Variants in SSBP2 observed in about 807,000 individuals in gnomAD.
The protein encoded by SSBP2 is single stranded DNA binding protein 2.
SSBP2 carries 17 observed loss-of-function variants against 61.8 expected under a neutral mutation model. That is an observed-to-expected ratio of 0.28 (90% CI 0.19 to 0.41). SSBP2 has a LOEUF of 0.41. Ranked by LOEUF, SSBP2 falls within the 10% of genes least tolerant of loss-of-function variation. The pLI, the probability that SSBP2 is intolerant of heterozygous loss-of-function variation, is 1.00. For synonymous variants in SSBP2, 139 were observed against 141.3 expected (o/e 0.98, Z 0.12); for missense variants, 310 against 458.7 (o/e 0.68, Z 2.96).
chr5:81,545,377 C>T (rs73766262), intron 4 of SSBP2, among the ~76,000 whole-genome samples: 2,767 of 152,214 alleles, frequency 0.018, 85 homozygotes, highest in African/African-American at 0.063. Flanking sequence ...TTTACAACCA[C>T]TTTCCTACCT....
intron 1 of SSBP2, among the ~76,000 whole-genome samples, chr5:81,695,443 G>A (rs942134080): frequency 2.6e-5 from 4 of 151,844 alleles, no homozygotes; most frequent in African/African-American, 9.7e-5. Context: ...TTGGTGTGCT[G>A]CACCCATTAA....
At chr5:81,477,172 A>G (rs1373041467) in intron 6 of SSBP2, among the ~76,000 whole-genome samples, 1 of 152,164 alleles carries the variant, frequency 6.6e-6, no homozygotes, top group Non-Finnish European at 1.5e-5. Context: ...GGAGGACAGC[A>G]TTTAGGCATA....
intron 15 of SSBP2, among the ~76,000 whole-genome samples, chr5:81,432,591 C>T (rs1009167121): frequency 6.6e-6 from 1 of 151,982 alleles, no homozygotes; most frequent in African/African-American, 2.4e-5. Flanking sequence ...ACTAAAAATA[C>T]AAAAATTAGC....
At chr5:81,454,573 C>T (rs959946088) in intron 10 of SSBP2, among the ~76,000 whole-genome samples, 2 of 151,768 alleles carry the variant, frequency 1.3e-5, no homozygotes, top group African/African-American at 2.4e-5. Flanking sequence ...CCTAGCTACT[C>T]GGGAGCCTGA....
chr5:81,542,146 CAACA>C (rs1275749190), intron 4 of SSBP2, among the ~76,000 whole-genome samples: 1 of 152,028 alleles, frequency 6.6e-6, no homozygotes, highest in African/African-American at 2.4e-5. Flanking sequence ...TACAAGCGGC[CAACA>C]AACACATGAA....
chr5:81,545,768 A>T (rs547805146), intron 4 of SSBP2, among the ~76,000 whole-genome samples: 1 of 152,346 alleles, frequency 6.6e-6, no homozygotes, highest in Non-Finnish European at 1.5e-5. Context: ...AAACTGTGTT[A>T]ATAAACAGTC....
chr5:81,509,856 T>C (rs968910268), intron 5 of SSBP2, among the ~76,000 whole-genome samples: 1 of 152,196 alleles, frequency 6.6e-6, no homozygotes, highest in Non-Finnish European at 1.5e-5. Context: ...TTCTTCTCTT[T>C]CTCTTCTACC....
intron 1 of SSBP2, among the ~76,000 whole-genome samples, chr5:81,652,388 C>G (rs886813945): frequency 6.6e-6 from 1 of 151,472 alleles, no homozygotes; most frequent in African/African-American, 2.4e-5. Flanking sequence ...CACTTTCTCT[C>G]TCTATAAGTC....
chr5:81,485,281 T>C (rs1434224670), intron 6 of SSBP2, among the ~76,000 whole-genome samples: 6 of 152,212 alleles, frequency 3.9e-5, no homozygotes. Flanking sequence ...TGCACAGTTT[T>C]GTAATTTTAT....
chr5:81,655,405 T>A (rs1404335489), intron 1 of SSBP2, among the ~76,000 whole-genome samples: 1 of 152,122 alleles, frequency 6.6e-6, no homozygotes, highest in Non-Finnish European at 1.5e-5. Context: ...CTGCAAAAAG[T>A]AGAACCAGTC....
intron 6 of SSBP2, among the ~76,000 whole-genome samples, chr5:81,481,817 C>G (rs112615859): frequency 0.016 from 2,502 of 151,664 alleles, 44 homozygotes; most frequent in South Asian, 0.096. Context: ...ATAAAGGAAT[C>G]TTTTTCTCTG....
intron 1 of SSBP2, among the ~76,000 whole-genome samples, chr5:81,702,638 T>A (rs1393723898): frequency 1.3e-5 from 2 of 152,232 alleles, no homozygotes; most frequent in Non-Finnish European, 1.5e-5. Context: ...CATTTGAGTG[T>A]GAGCTCTCTG....
At chr5:81,678,060 C>A (rs73766300) in intron 1 of SSBP2, among the ~76,000 whole-genome samples, 2,748 of 152,222 alleles carry the variant, frequency 0.018, 100 homozygotes, top group African/African-American at 0.063. Flanking sequence ...AGAGACTGAA[C>A]AAGAACCAGA....
At chr5:81,599,521 G>A (rs1397944383) in intron 4 of SSBP2, among the ~76,000 whole-genome samples, 1 of 152,206 alleles carries the variant, frequency 6.6e-6, no homozygotes, top group African/African-American at 2.4e-5. Context: ...GCTGATCCTA[G>A]AGAGAAAGAG....
chr5:81,458,976 A>G (rs1384004913), intron 10 of SSBP2, among the ~76,000 whole-genome samples: 1 of 152,116 alleles, frequency 6.6e-6, no homozygotes, highest in Non-Finnish European at 1.5e-5. Context: ...CCCTATTCTC[A>G]TACTTTGAGT....
chr5:81,489,394 T>G, intron 5 of SSBP2, 85 bp from the exon 6 acceptor site: 1 of 1,150,664 alleles, frequency 8.7e-7, no homozygotes. Context: ...CTTAAAAAAT[T>G]TTAGAATTAA....
intron 15 of SSBP2, among the ~76,000 whole-genome samples, chr5:81,434,903 G>C (rs77417542): frequency 0.034 from 5,166 of 152,240 alleles, 188 homozygotes; most frequent in South Asian, 0.098. Flanking sequence ...GGAGTGGAAA[G>C]AGGCAGGGAG....
intron 4 of SSBP2, among the ~76,000 whole-genome samples, chr5:81,586,747 C>A (rs530260237): frequency 6.6e-6 from 1 of 152,146 alleles, no homozygotes; most frequent in East Asian, 1.9e-4. Context: ...GGGTTCCTGC[C>A]ATTCACAAAA....
At position 81,467,075 on chromosome 5, in the gene SSBP2, A is replaced by G; in HGVS notation, c.571-34T>C. The G allele has an allele frequency of 6.3e-7, 1 of 1,577,018 alleles. No homozygotes were observed. Among genetic ancestry groups the G allele is most frequent in the Non-Finnish European group, 8.7e-7 (1 of 1,154,856 alleles). On this transcript the variant is annotated intron_variant, in intron 8 of 16. Transcript: ENST00000320672. The stretch of plus-strand genomic sequence containing the variant: ...ATAACCAAGGGTCAGACTACCACAA[A>G]ACAAAAAAACAAAACCAAAGAGGAG...
Sources: gnomAD v4.1 joint callset for allele counts (sites outside exome capture counted in the v4.1 genomes callset) on GRCh38, gnomAD v4.1.1 for gene constraint, MANE v1.5 for transcripts, NCBI Gene and HGNC (gene_info 2026-07-23, HGNC 2026-07-21) for gene names.